PARK7: variants seen among roughly 807,000 people sequenced by gnomAD.
The protein encoded by PARK7 is Parkinsonism associated deglycase.
In PARK7, 14 loss-of-function variants were observed where a neutral mutation model predicts 20.5. The observed-to-expected ratio is 0.68, with a 90% CI of 0.45 to 1.07. The LOEUF is 1.07. Ranked by LOEUF, PARK7 falls within the 50% of genes least tolerant of loss-of-function variation. PARK7 has a pLI of 0.00. For missense variants in PARK7, 234 were observed against 238.1 expected (o/e 0.98, Z 0.11); for synonymous variants, 98 against 84.3 (o/e 1.16, Z -0.89).
chr1:7,981,040 T>C (rs572381824), intron 6 of PARK7, among the ~76,000 whole-genome samples: 1 of 152,240 alleles, frequency 6.6e-6, no homozygotes, highest in Admixed American at 6.5e-5. Context: ...GATTTTAGAA[T>C]AAGTCAGTTA....
rs1578088618 is a variant in PARK7, at chr1:7,961,748, C to G, written c.-69C>G. ...AGCCTGGTGTGGGGTGAGTGGTACC[C>G]AACGGGCCGGGGCGCCGCGTCCGCA... is the stretch of plus-strand genomic sequence containing the variant. On this transcript the variant is annotated 5_prime_UTR_variant, in exon 1 of 7. Coordinates refer to ENST00000338639, the MANE Select transcript of PARK7 (RefSeq NM_007262.5). The G allele has an allele frequency of 6.6e-6, 1 of 152,640 alleles. No individual in the cohort carries two copies. The highest frequency in any genetic ancestry group is 1.5e-5 in the Non-Finnish European group (1 of 68,310). 9.5% of individuals were successfully genotyped at this position (152,640 alleles called of 1,614,324 possible). A position where few individuals can be genotyped will look rare whatever the true frequency, so the allele number is the denominator to read the frequency against.
At chr1:7,967,775 C>T (rs963013380) in intron 3 of PARK7, among the ~76,000 whole-genome samples, 4 of 151,950 alleles carry the variant, frequency 2.6e-5, no homozygotes, top group Non-Finnish European at 5.9e-5. Flanking sequence ...AAAAAATTAG[C>T]TGGCTGTGGT....
rs760020407 is a variant in PARK7, at chr1:7,965,375, C to T, written c.142C>T (p.Arg48Cys). ...TGGAAAAGACCCAGTACAGTGTAGC[C>T]GTGATGTGGTCATTTGTCCTGATGC... ...LAGKDPVQCSRDVVICPDASL... is the reference protein window; with the variant it reads ...LAGKDPVQCSCDVVICPDASL... Residue 48 changes from arginine (R) to cysteine (C), a missense_variant, in exon 3 of 7, where the codon CGT (arginine) becomes TGT (cysteine). Arg to Cys is a radical substitution (Grantham distance 180). Transcript: ENST00000338639. 5.0e-6 allele frequency: 8 copies of T among 1,613,970 alleles called. No homozygotes were observed. Among genetic ancestry groups the T allele is most frequent in the African/African-American group, 2.7e-5 (2 of 74,874 alleles).
intron 1 of PARK7, among the ~76,000 whole-genome samples, chr1:7,962,290 A>G (rs1446124685): frequency 6.6e-6 from 1 of 152,154 alleles, no homozygotes; most frequent in African/African-American, 2.4e-5. Flanking sequence ...GTACAGTTAT[A>G]ACTAAGAAAA....
intron 4 of PARK7, among the ~76,000 whole-genome samples, chr1:7,969,642 A>G (rs966935372): frequency 1.3e-5 from 2 of 151,786 alleles, no homozygotes; most frequent in South Asian, 2.1e-4. Flanking sequence ...GTGCAGTGGC[A>G]CAATCTCGGC....
intron 1 of PARK7, among the ~76,000 whole-genome samples, chr1:7,962,342 C>G (rs1640224348): frequency 6.6e-6 from 1 of 152,166 alleles, no homozygotes; most frequent in Non-Finnish European, 1.5e-5. Context: ...TTGCGAAAGA[C>G]CACATTTAAA....
At chr1:7,972,461 C>G (rs1640485646) in intron 5 of PARK7, among the ~76,000 whole-genome samples, 1 of 151,914 alleles carries the variant, frequency 6.6e-6, no homozygotes. Flanking sequence ...CCATGTCTTT[C>G]AAACAAAATG....
chr1:7,968,708 G>A (rs1342849607), intron 3 of PARK7, among the ~76,000 whole-genome samples: 1 of 151,982 alleles, frequency 6.6e-6, no homozygotes. Context: ...TAGAAATGGG[G>A]GTTTTGCCAT....
intron 3 of PARK7, chr1:7,969,111 T>G: frequency 2.0e-6 from 1 of 498,470 alleles, no homozygotes. Context: ...CCCCTGCTAC[T>G]CTGCAGCGTG....
Position 7,965,368 on chromosome 1 carries a change from G to A in PARK7, c.135G>A (p.Gln45=), listed in dbSNP as rs776602132. The part of the protein sequence containing the change: ...VAGLAGKDPV[Q]CSRDVVICPD... Reference sequence around the variant, plus strand: ...GCCTGGCTGGAAAAGACCCAGTACAGTGTAGCCGTGATGTGGTCATTTGTC... The same window carrying A: ...GCCTGGCTGGAAAAGACCCAGTACAATGTAGCCGTGATGTGGTCATTTGTC... The change falls in exon 3 of 7, where the codon CAG becomes CAA. Residue 45 remains glutamine (Q), a synonymous_variant. Transcript: ENST00000338639. The A allele has an allele frequency of 1.2e-6, 2 of 1,614,206 alleles. No homozygotes were observed. Among genetic ancestry groups the A allele is most frequent in the East Asian group, 2.2e-5 (1 of 44,896 alleles).
chr1:7,972,749 C>A (rs990667684), intron 5 of PARK7, among the ~76,000 whole-genome samples: 1 of 151,762 alleles, frequency 6.6e-6, no homozygotes, highest in African/African-American at 2.4e-5. Context: ...ACTAAAAATA[C>A]AAAAGTTAGC....
Position 7,970,983 on chromosome 1 carries a change from T to A in PARK7, c.322+20T>A. The stretch of plus-strand genomic sequence containing the variant: ...GTGCAGGTGACGTGCAGGGGCAGCC[T>A]GTGTTGCAGCGTCATTGGTGGGTGG... On this transcript the variant is annotated intron_variant, in intron 5 of 6. Transcript: ENST00000338639. 1 of 1,613,968 alleles carries A rather than the reference T, an allele frequency of 6.2e-7. No individual in the cohort carries two copies. Among genetic ancestry groups the A allele is most frequent in the Non-Finnish European group, 8.5e-7 (1 of 1,179,842 alleles).
intron 6 of PARK7, among the ~76,000 whole-genome samples, chr1:7,983,682 A>C (rs576023580): frequency 6.6e-6 from 1 of 152,166 alleles, no homozygotes; most frequent in South Asian, 2.1e-4. Flanking sequence ...CCTGCTTTGC[A>C]CTCTGGACAG....
Position 7,984,702 on chromosome 1 carries a change from C to T in PARK7, c.410-192C>T, listed in dbSNP as rs1390515106. On this transcript the variant is annotated intron_variant, in intron 6 of 6. Coordinates refer to ENST00000338639, the MANE Select transcript of PARK7 (RefSeq NM_007262.5). This position sits in a 1 kb window ranked among gnomAD's most constrained non-coding sequence, Gnocchi z 4.3. ...CATTCTAACAGTGGTTTCTGTCACC[C>T]TTTGCTCTGCACAGTTTTAAAAATA... Among the ~76,000 whole-genome samples the T allele has an allele frequency of 6.6e-6, 1 of 152,244 alleles. No homozygotes were observed. Among genetic ancestry groups the T allele is most frequent in the East Asian group, 1.9e-4 (1 of 5,202 alleles).
At position 7,985,103 on chromosome 1, in the gene PARK7, A is replaced by G. The variant is rs371482698; in HGVS notation, c.*49A>G. On this transcript the variant is annotated 3_prime_UTR_variant, in exon 7 of 7. Coordinates refer to ENST00000338639, the MANE Select transcript of PARK7 (RefSeq NM_007262.5). ...TAGAGAAACAGGCCGTTAGGAATCC[A>G]TTCTCACTGTGTTCGCTCTAAACAA... is the stretch of plus-strand genomic sequence containing the variant. The G allele has an allele frequency of 3.8e-6, 6 of 1,597,566 alleles. No homozygotes were observed. Among genetic ancestry groups the G allele is most frequent in the Non-Finnish European group, 5.1e-6 (6 of 1,172,682 alleles).
chr1:7,970,405 A>G (rs1640440424), intron 4 of PARK7, among the ~76,000 whole-genome samples: 1 of 152,196 alleles, frequency 6.6e-6, no homozygotes, highest in Admixed American at 6.5e-5. Flanking sequence ...CAGGAATGGC[A>G]AATGCCATCA....
intron 5 of PARK7, chr1:7,971,962 A>G (rs1175926573): frequency 6.6e-6 from 1 of 152,206 alleles, no homozygotes; most frequent in Non-Finnish European, 1.5e-5. Flanking sequence ...AATAAAATAA[A>G]TATTTGTCAG....
At chr1:7,977,519 A>G in intron 5 of PARK7, 133 bp from the exon 6 acceptor site, 1 of 742,322 alleles carries the variant, frequency 1.3e-6, no homozygotes, top group Non-Finnish European at 2.3e-6. Flanking sequence ...TCCTGGGCTC[A>G]AGCAATTTTT....
rs377734266 is a variant in PARK7, at chr1:7,985,332, G to A, written c.*278G>A. On this transcript the variant is annotated 3_prime_UTR_variant, in exon 7 of 7. Transcript: ENST00000338639. ...CATTTCTTTTGTGAAATTAAATTCCGTATCACCTTCATTTGCAGCTCTTAA... is the reference window on the plus strand; with the variant it reads ...CATTTCTTTTGTGAAATTAAATTCCATATCACCTTCATTTGCAGCTCTTAA... 23 of 438,330 alleles carry A rather than the reference G, an allele frequency of 5.2e-5. No homozygotes were observed. The highest frequency in any genetic ancestry group is 1.8e-4 in the African/African-American group (9 of 49,792). 27.2% of individuals were successfully genotyped at this position (438,330 alleles called of 1,614,324 possible). A position where few individuals can be genotyped will look rare whatever the true frequency, so the allele number is the denominator to read the frequency against.
Sources: allele counts gnomAD v4.1 joint callset (sites outside exome capture counted in the v4.1 genomes callset), GRCh38; gene constraint gnomAD v4.1.1; non-coding constraint Gnocchi (gnomAD v3.1); transcripts MANE v1.5; gene names NCBI Gene and HGNC (gene_info 2026-07-23, HGNC 2026-07-21).